ABHD6: variants seen among roughly 807,000 people sequenced by gnomAD.
The protein encoded by ABHD6 is monoacylglycerol lipase ABHD6.
In ABHD6, 33 loss-of-function variants were observed where a neutral mutation model predicts 38.8. The ratio of observed to expected loss-of-function variants is 0.85; its 90% CI spans 0.64 to 1.14. ABHD6 has a LOEUF of 1.14. Ranked by LOEUF, ABHD6 falls within the 50% of genes most tolerant of loss-of-function variation. The pLI is 0.00. For synonymous variants in ABHD6, 147 were observed against 161.6 expected (o/e 0.91, Z 0.69); for missense variants, 380 against 422.6 (o/e 0.90, Z 0.88).
intron 7 of ABHD6, among the ~76,000 whole-genome samples, chr3:58,280,223 C>T (rs6790764): frequency 0.45 from 67,694 of 152,040 alleles, 16,700 homozygotes; most frequent in African/African-American, 0.67. Flanking sequence ...TTTCCAGGTA[C>T]ATCAGTCAAA....
At chr3:58,258,928 A>T (rs2097435140) in intron 3 of ABHD6, among the ~76,000 whole-genome samples, 2 of 152,148 alleles carry the variant, frequency 1.3e-5, no homozygotes, top group African/African-American at 4.8e-5. Flanking sequence ...CTGAAGCTGA[A>T]ATGCTGTTGC....
At chr3:58,239,247 A>G (rs2097421190) in intron 1 of ABHD6, among the ~76,000 whole-genome samples, 1 of 152,150 alleles carries the variant, frequency 6.6e-6, no homozygotes, top group African/African-American at 2.4e-5. Flanking sequence ...TCTAGCACTA[A>G]TTTGTTTTTC....
At chr3:58,240,731 AT>A (rs34994874) in intron 1 of ABHD6, among the ~76,000 whole-genome samples, 48 of 134,344 alleles carry the variant, frequency 3.6e-4, no homozygotes, top group Admixed American at 4.6e-4. Context: ...AACCTGGGTA[AT>A]TTTTTTTTTT....
intron 2 of ABHD6, among the ~76,000 whole-genome samples, chr3:58,254,853 C>T (rs9817472): frequency 0.054 from 1,003 of 18,578 alleles, 17 homozygotes; most frequent in African/African-American, 0.26. Flanking sequence ...TATGTGTATA[C>T]ACACACACAC....
At chr3:58,240,239 T>A (rs926345983) in intron 1 of ABHD6, among the ~76,000 whole-genome samples, 1 of 151,846 alleles carries the variant, frequency 6.6e-6, no homozygotes, top group East Asian at 1.9e-4. Flanking sequence ...TCATATTCTT[T>A]AAAAAAATTT....
At position 58,238,554 on chromosome 3, in the gene ABHD6, C is replaced by T. The variant is rs534918209; in HGVS notation, c.-91+638C>T. 4.5e-4 allele frequency: 69 copies of T among 152,596 alleles called. No homozygotes were observed. The highest frequency in any genetic ancestry group is 1.7e-3 in the African/African-American group (69 of 41,586). 9.5% of individuals were successfully genotyped at this position (152,596 alleles called of 1,614,324 possible). On this transcript the variant is annotated intron_variant, in intron 1 of 9. Transcript: ENST00000478253. This position sits in a 1 kb window ranked among gnomAD's most constrained non-coding sequence, Gnocchi z 6.9. Reference sequence around the variant, plus strand: ...CCCCCGCCTACAGCGACACAGGTTTCACGGCTGCCTTAGAAATGCGGATTG... The same window carrying T: ...CCCCCGCCTACAGCGACACAGGTTTTACGGCTGCCTTAGAAATGCGGATTG...
intron 9 of ABHD6, among the ~76,000 whole-genome samples, chr3:58,289,781 A>G (rs1414220951): frequency 6.6e-6 from 1 of 151,924 alleles, no homozygotes; most frequent in Non-Finnish European, 1.5e-5. Context: ...GTGGCTGGGC[A>G]GAGGGGCTCC....
chr3:58,268,508 G>A (rs1009589170), intron 4 of ABHD6, among the ~76,000 whole-genome samples: 2 of 152,178 alleles, frequency 1.3e-5, no homozygotes, highest in African/African-American at 4.8e-5. Flanking sequence ...GAAGGTTGGG[G>A]CTGGCAGAAG....
In ABHD6 at chr3:58,274,691, A is replaced by G. The variant is rs1345644652; in HGVS notation, c.557A>G (p.Gln186Arg). The change falls in exon 7 of 10, where the codon CAA (glutamine) becomes CGA (arginine). Residue 186 changes from glutamine to arginine, a missense_variant. Transcript: ENST00000478253. ...TACTCAACTGACAATCAATTTGTAC[A>G]ACGGCTCAAAGAACTGCAGGGCTCT... ...LQYSTDNQFV[Q>R]RLKELQGSAA... is the part of the protein sequence containing the mutation. The G allele has an allele frequency of 1.9e-6, 3 of 1,614,140 alleles. No individual in the cohort carries two copies. Among genetic ancestry groups the G allele is most frequent in the African/African-American group, 1.3e-5 (1 of 74,952 alleles).
chr3:58,275,794 G>A (rs986356512), intron 7 of ABHD6, among the ~76,000 whole-genome samples: 6 of 151,738 alleles, frequency 4.0e-5, no homozygotes, highest in Non-Finnish European at 8.8e-5. Context: ...CCTTCCCCCA[G>A]CCCCCTACCC....
At chr3:58,252,235 T>TTG (rs1559771817) in intron 2 of ABHD6, among the ~76,000 whole-genome samples, 1 of 141,336 alleles carries the variant, frequency 7.1e-6, no homozygotes, top group Non-Finnish European at 1.5e-5. Flanking sequence ...GCTTGTTTTT[T>TTG]TTTTTTTTTT....
intron 6 of ABHD6, among the ~76,000 whole-genome samples, chr3:58,271,927 G>A (rs915506273): frequency 1.5e-4 from 23 of 151,782 alleles, no homozygotes; most frequent in African/African-American, 5.3e-4. Flanking sequence ...ACCATGCCCA[G>A]CTAATTTTTT....
chr3:58,240,065 T>G (rs1033045897), intron 1 of ABHD6, among the ~76,000 whole-genome samples: 5 of 151,264 alleles, frequency 3.3e-5, no homozygotes, highest in Non-Finnish European at 7.4e-5. Context: ...GGTGGGAGGA[T>G]TGCTTGAGCC....
At chr3:58,291,392 G>GGGGAGAGGGAGA (rs546808644) in intron 9 of ABHD6, among the ~76,000 whole-genome samples, 12 of 151,748 alleles carry the variant, frequency 7.9e-5, no homozygotes, top group South Asian at 2.1e-4. Context: ...GGGAGACCGT[G>GGGGAGAGGGAGA]GGGAGAGGGA....
chr3:58,278,711 C>A (rs1344720236), intron 7 of ABHD6, among the ~76,000 whole-genome samples: 2 of 152,158 alleles, frequency 1.3e-5, no homozygotes, highest in East Asian at 3.8e-4. Context: ...AATTTTAGAT[C>A]TTTCTTGCTT....
At position 58,259,247 on chromosome 3, in the gene ABHD6, C is replaced by T. The variant is rs754164046; in HGVS notation, c.119+2542C>T. On this transcript the variant is annotated intron_variant, in intron 3 of 9. Transcript: ENST00000478253. The surrounding 1 kb of genome is among the most constrained non-coding windows in gnomAD (Gnocchi z 4.7). ...GTCCCCCAACAGTTCCCTGGGCTGT[C>T]GAGGAGAAGGCTTTCAGAGTAAGGG... Among the ~76,000 whole-genome samples the T allele has an allele frequency of 2.6e-5, 4 of 152,082 alleles. No individual in the cohort carries two copies. Among genetic ancestry groups the T allele is most frequent in the East Asian group, 1.9e-4 (1 of 5,200 alleles).
At chr3:58,290,140 C>T (rs1483993904) in intron 9 of ABHD6, among the ~76,000 whole-genome samples, 17 of 116,480 alleles carry the variant, frequency 1.5e-4, no homozygotes, top group Non-Finnish European at 1.8e-4. Context: ...CCTCACCTCC[C>T]GGACGGGGCG....
rs781559589 is a variant in ABHD6 at position 58,274,679 on chromosome 3, A to G, written c.545A>G (p.Asn182Ser). Residue 182 changes from asparagine to serine, a missense_variant, in exon 7 of 10, where the codon AAT becomes AGT. Physicochemically the swap from Asn to Ser is conservative, Grantham distance 46 (BLOSUM62 1). Transcript: ENST00000478253. ...ACAGGCCTGCAGTACTCAACTGACA[A>G]TCAATTTGTACAACGGCTCAAAGAA... ...CPAGLQYSTDNQFVQRLKELQ... is the reference protein window; with the variant it reads ...CPAGLQYSTDSQFVQRLKELQ... 1.9e-6 allele frequency: 3 copies of G among 1,614,210 alleles called. No homozygotes were observed. Among genetic ancestry groups the G allele is most frequent in the East Asian group, 4.5e-5 (2 of 44,894 alleles).
rs752440262 is a variant in ABHD6, at chr3:58,293,664, G to A, written c.913G>A (p.Gly305Arg). The A allele has an allele frequency of 5.6e-6, 9 of 1,614,162 alleles. No homozygotes were observed. Among genetic ancestry groups the A allele is most frequent in the South Asian group, 2.2e-5 (2 of 91,080 alleles). Reference sequence around the variant, plus strand: ...CCAGGTGGAGCTTCTGGAAAACTGTGGGCACTCAGTAGTGATGGAAAGACC... The same window carrying A: ...CCAGGTGGAGCTTCTGGAAAACTGTAGGCACTCAGTAGTGATGGAAAGACC... ...NCQVELLENCGHSVVMERPRK... is the reference protein window; with the variant it reads ...NCQVELLENCRHSVVMERPRK... Residue 305 changes from glycine to arginine, a missense_variant, in exon 10 of 10, where the codon GGG becomes AGG. Coordinates refer to ENST00000478253, the MANE Select transcript of ABHD6 (RefSeq NM_001320126.2). The surrounding 1 kb of genome is among the most constrained non-coding windows in gnomAD (Gnocchi z 4.4).
Sources: gnomAD v4.1 joint callset for allele counts (sites outside exome capture counted in the v4.1 genomes callset) on GRCh38, gnomAD v4.1.1 for gene constraint, Gnocchi (gnomAD v3.1) non-coding constraint, MANE v1.5 for transcripts, NCBI Gene and HGNC (gene_info 2026-07-23, HGNC 2026-07-21) for gene names.